LOC400499: variants seen among roughly 807,000 people sequenced by gnomAD.
the LOC400499 span, among the ~76,000 whole-genome samples, chr16:11,454,579 T>C: frequency 3.2e-4 from 49 of 152,178 alleles, no homozygotes; most frequent in Non-Finnish European, 5.9e-5. Context: ...TCAACATCCA[T>C]CACCAAATGC....
At chr16:11,444,741 G>C in the LOC400499 span, among the ~76,000 whole-genome samples, 2 of 152,254 alleles carry the variant, frequency 1.3e-5, no homozygotes, top group African/African-American at 4.8e-5. Flanking sequence ...AGTACTCATG[G>C]AGATCATGAG....
At chr16:11,446,620 A>T in the LOC400499 span, 1 of 1,536,148 alleles carries the variant, frequency 6.5e-7, no homozygotes, top group Non-Finnish European at 8.7e-7. Flanking sequence ...GTATGGATGC[A>T]TCAGACCTGC....
the LOC400499 span, among the ~76,000 whole-genome samples, chr16:11,480,361 G>C: frequency 1.3e-5 from 2 of 152,196 alleles, no homozygotes; most frequent in African/African-American, 4.8e-5. Flanking sequence ...TTATTGCCCT[G>C]CTCATCCTGG....
chr16:11,515,881 GCCCAGCCCAGCCTAGCC>G, the LOC400499 span: 2 of 24,926 alleles, frequency 8.0e-5, no homozygotes, highest in African/African-American at 2.1e-4. Flanking sequence ...GCCCAGCCCA[GCCCAGCCCAGCCTAGCC>G]CAGCCCAGCC....
the LOC400499 span, among the ~76,000 whole-genome samples, chr16:11,396,965 G>A: frequency 4.6e-5 from 7 of 152,188 alleles, no homozygotes; most frequent in Non-Finnish European, 8.8e-5. Flanking sequence ...CCTTCCCTCT[G>A]CAGGGCTCAC....
chr16:11,373,819 C>T, the LOC400499 span, among the ~76,000 whole-genome samples: 2 of 151,804 alleles, frequency 1.3e-5, no homozygotes, highest in African/African-American at 4.8e-5. Flanking sequence ...AGGGCTTCAC[C>T]ATGTTGGTCA....
the LOC400499 span, among the ~76,000 whole-genome samples, chr16:11,405,772 A>T: frequency 6.6e-6 from 1 of 152,142 alleles, no homozygotes; most frequent in Non-Finnish European, 1.5e-5. Context: ...CTCCCCACAC[A>T]GCAGCCAGAG....
chr16:11,513,338 T>G, the LOC400499 span, among the ~76,000 whole-genome samples: 2 of 143,462 alleles, frequency 1.4e-5, no homozygotes, highest in South Asian at 4.2e-4. Flanking sequence ...CTGGGGAGGT[T>G]GAGACTACAG....
the LOC400499 span, among the ~76,000 whole-genome samples, chr16:11,464,490 C>G: frequency 0.73 from 111,349 of 152,188 alleles, 41,362 homozygotes; most frequent in Admixed American, 0.8. Context: ...AGGCAACCCA[C>G]GACCCAACCC....
At chr16:11,394,575 CCTT>C in the LOC400499 span, among the ~76,000 whole-genome samples, 1 of 152,256 alleles carries the variant, frequency 6.6e-6, no homozygotes, top group Admixed American at 6.5e-5. Context: ...GAAGCCCTAA[CCTT>C]CTATACCTGT....
the LOC400499 span, chr16:11,516,455 CT>C: frequency 2.5e-6 from 1 of 397,526 alleles, no homozygotes; most frequent in Non-Finnish European, 4.4e-6. Flanking sequence ...ACTAGATAGC[CT>C]TTGTTCCCTC....
At chr16:11,490,799 T>C in the LOC400499 span, among the ~76,000 whole-genome samples, 4 of 152,256 alleles carry the variant, frequency 2.6e-5, no homozygotes, top group Non-Finnish European at 5.9e-5. Context: ...TGTTTACCTA[T>C]GTATTACAAG....
chr16:11,376,057 C>G, the LOC400499 span, among the ~76,000 whole-genome samples: 6 of 152,114 alleles, frequency 3.9e-5, no homozygotes, highest in Non-Finnish European at 7.3e-5. Flanking sequence ...ATTGTTGAAC[C>G]GGGTTGGGTT....
the LOC400499 span, among the ~76,000 whole-genome samples, chr16:11,455,276 C>T: frequency 6.6e-6 from 1 of 152,058 alleles, no homozygotes; most frequent in African/African-American, 2.4e-5. Context: ...AAAGGGGCAC[C>T]AATCTAAGAG....
At chr16:11,447,344 T>C in the LOC400499 span, among the ~76,000 whole-genome samples, 1 of 152,180 alleles carries the variant, frequency 6.6e-6, no homozygotes, top group Non-Finnish European at 1.5e-5. Context: ...GGGTTAGAGA[T>C]AACATACATG....
chr16:11,505,445 C>CTTT, the LOC400499 span, among the ~76,000 whole-genome samples: 35 of 71,970 alleles, frequency 4.9e-4, 1 homozygote, highest in Admixed American at 6.3e-4. Flanking sequence ...TTTTTCTTTT[C>CTTT]TTTTTTTTTT....
the LOC400499 span, chr16:11,399,570 G>T: frequency 1.5e-5 from 6 of 398,688 alleles, no homozygotes; most frequent in Non-Finnish European, 1.8e-5. Flanking sequence ...CCGCAGGCCT[G>T]GAGGCTGTTC....
chr16:11,385,385 C>T, the LOC400499 span: 13 of 1,232,308 alleles, frequency 1.1e-5, no homozygotes, highest in Non-Finnish European at 9.1e-6. Flanking sequence ...CGAAGGTCAC[C>T]ACGTGCTGGG....
At chr16:11,409,338 T>G in the LOC400499 span, among the ~76,000 whole-genome samples, 3 of 152,010 alleles carry the variant, frequency 2.0e-5, no homozygotes, top group African/African-American at 7.2e-5. Context: ...AGGAAAATAT[T>G]CTAGATCAGG....
Sources: gnomAD v4.1 joint callset for allele counts (sites outside exome capture counted in the v4.1 genomes callset) on GRCh38, gnomAD v4.1.1 for gene constraint, MANE v1.5 for transcripts.